The following PCDH9 variants were observed in gnomAD, a reference collection of about 807,000 sequenced individuals.
The protein encoded by PCDH9 is protocadherin 9, also known as protocadherin-9.
In PCDH9, 24 loss-of-function variants were observed where a neutral mutation model predicts 70.6. The observed-to-expected ratio is 0.34, with a 90% CI of 0.25 to 0.48. The LOEUF is 0.48. PCDH9 is among the 20% of genes least tolerant of loss of function. The pLI is 0.99. For missense variants in PCDH9, 1,281 were observed against 1,503.6 expected (o/e 0.85, Z 2.45); for synonymous variants, 562 against 558.5 (o/e 1.01, Z -0.09).
At chr13:66,464,361 A>T in intron 4 of PCDH9, among the ~76,000 whole-genome samples, 1 of 151,912 alleles carries the variant, frequency 6.6e-6, no homozygotes, top group East Asian at 1.9e-4. Context: ...TAGCTAAAAA[A>T]GGAGACTATT....
At chr13:66,951,690 C>T (rs999881864) in intron 2 of PCDH9, among the ~76,000 whole-genome samples, 47 of 152,216 alleles carry the variant, frequency 3.1e-4, no homozygotes, top group African/African-American at 1.1e-3. Context: ...GCTAGGTCTC[C>T]CCATAAAAAT....
chr13:66,846,650 T>A (rs1178668167), intron 3 of PCDH9, among the ~76,000 whole-genome samples: 2 of 152,130 alleles, frequency 1.3e-5, no homozygotes, highest in Non-Finnish European at 2.9e-5. Flanking sequence ...AATAAAATTA[T>A]TATTCACTGT....
At chr13:66,319,806 A>C (rs1327772306) in intron 4 of PCDH9, among the ~76,000 whole-genome samples, 1 of 152,082 alleles carries the variant, frequency 6.6e-6, no homozygotes, top group Admixed American at 6.5e-5. Flanking sequence ...TGTTTTTGCT[A>C]TTTTGAGAAT....
intron 3 of PCDH9, among the ~76,000 whole-genome samples, chr13:66,838,823 A>G (rs2081067959): frequency 6.6e-6 from 1 of 152,110 alleles, no homozygotes; most frequent in Non-Finnish European, 1.5e-5. Context: ...CTTATAATGT[A>G]TGATGCACTA....
chr13:67,091,375 A>C (rs893866601), intron 2 of PCDH9, among the ~76,000 whole-genome samples: 5 of 152,188 alleles, frequency 3.3e-5, no homozygotes, highest in Non-Finnish European at 7.4e-5. Flanking sequence ...ATTTAAATCT[A>C]TTTTGTCATA....
intron 2 of PCDH9, among the ~76,000 whole-genome samples, chr13:67,187,887 A>G (rs754394480): frequency 1.3e-5 from 2 of 152,060 alleles, no homozygotes; most frequent in Non-Finnish European, 2.9e-5. Context: ...CCCCTCTAGC[A>G]TTTACAATTT....
At chr13:66,620,854 G>A (rs553146981) in intron 4 of PCDH9, among the ~76,000 whole-genome samples, 1 of 152,114 alleles carries the variant, frequency 6.6e-6, no homozygotes, top group South Asian at 2.1e-4. Context: ...AAGAATTCTT[G>A]CACTAAACTG....
intron 2 of PCDH9, among the ~76,000 whole-genome samples, chr13:67,183,129 C>G (rs1437161716): frequency 6.6e-6 from 1 of 152,070 alleles, no homozygotes; most frequent in Non-Finnish European, 1.5e-5. Flanking sequence ...ATGCCTGGCA[C>G]TTTAAGTACT....
At chr13:66,561,871 C>A (rs1593681544) in intron 4 of PCDH9, among the ~76,000 whole-genome samples, 2 of 152,074 alleles carry the variant, frequency 1.3e-5, no homozygotes, top group South Asian at 2.1e-4. Context: ...CCGCTCGGGT[C>A]CTCTTCCACA....
At chr13:66,319,569 G>T (rs1955716134) in intron 4 of PCDH9, among the ~76,000 whole-genome samples, 1 of 151,928 alleles carries the variant, frequency 6.6e-6, no homozygotes, top group South Asian at 2.1e-4. Flanking sequence ...TTTGTGGCAT[G>T]TGGGATGGTG....
intron 3 of PCDH9, among the ~76,000 whole-genome samples, chr13:66,648,083 T>G (rs766993506): frequency 2.0e-5 from 3 of 152,224 alleles, no homozygotes; most frequent in Non-Finnish European, 4.4e-5. Context: ...ATTCCAGGCT[T>G]TGGCTTCCAG....
chr13:66,747,579 T>A (rs572276250), intron 3 of PCDH9, among the ~76,000 whole-genome samples: 1 of 152,140 alleles, frequency 6.6e-6, no homozygotes, highest in Non-Finnish European at 1.5e-5. Flanking sequence ...AAATTAAGAA[T>A]ATACTTATTA....
At chr13:66,561,701 T>C (rs1478399388) in intron 4 of PCDH9, among the ~76,000 whole-genome samples, 2 of 152,030 alleles carry the variant, frequency 1.3e-5, no homozygotes, top group African/African-American at 4.8e-5. Flanking sequence ...ATCTAGCTAA[T>C]CTAGTGGGGA....
At chr13:66,811,295 C>T (rs953285318) in intron 3 of PCDH9, among the ~76,000 whole-genome samples, 1 of 152,114 alleles carries the variant, frequency 6.6e-6, no homozygotes, top group Admixed American at 6.6e-5. Context: ...TTCTAATTGG[C>T]ACATGGCCCA....
At chr13:66,325,827 A>T (rs1955833148) in intron 4 of PCDH9, among the ~76,000 whole-genome samples, 1 of 152,188 alleles carries the variant, frequency 6.6e-6, no homozygotes, top group African/African-American at 2.4e-5. Flanking sequence ...TAGTCACAGA[A>T]TTAGATTAAC....
chr13:66,483,798 A>T (rs536641178), intron 4 of PCDH9, among the ~76,000 whole-genome samples: 1 of 152,088 alleles, frequency 6.6e-6, no homozygotes, highest in Non-Finnish European at 1.5e-5. Flanking sequence ...CAAATGTTGC[A>T]TTTCCCAAGA....
At chr13:66,322,525 AC>A (rs1955773038) in intron 4 of PCDH9, among the ~76,000 whole-genome samples, 1 of 152,038 alleles carries the variant, frequency 6.6e-6, no homozygotes, top group Admixed American at 6.6e-5. Flanking sequence ...TCTTGCACTG[AC>A]ACATCTTTTC....
intron 4 of PCDH9, among the ~76,000 whole-genome samples, chr13:66,566,108 G>A (rs1218991187): frequency 2.0e-5 from 3 of 152,204 alleles, no homozygotes; most frequent in Non-Finnish European, 2.9e-5. Flanking sequence ...ATTCAAGGTG[G>A]CAGTGTCTGA....
chr13:66,695,152 C>T (rs1408975832), intron 3 of PCDH9, among the ~76,000 whole-genome samples: 2 of 152,202 alleles, frequency 1.3e-5, no homozygotes, highest in African/African-American at 2.4e-5. Flanking sequence ...ATCCTCCCGC[C>T]TCAGCCTCCC....
Sources: allele counts gnomAD v4.1 joint callset (sites outside exome capture counted in the v4.1 genomes callset), GRCh38; gene constraint gnomAD v4.1.1; transcripts MANE v1.5; gene names NCBI Gene and HGNC (gene_info 2026-07-23, HGNC 2026-07-21).